Variants in SIK3 observed in about 807,000 individuals in gnomAD.
The protein encoded by SIK3 is serine/threonine-protein kinase SIK3.
Under a neutral mutation model 144.2 loss-of-function variants are expected in SIK3, and 28 were observed. The ratio of observed to expected loss-of-function variants is 0.19; its 90% CI spans 0.14 to 0.27. The LOEUF (loss-of-function observed/expected upper bound fraction) is 0.27. SIK3 is among the 10% of genes least tolerant of loss of function. SIK3 has a pLI of 1.00. For missense variants in SIK3, 1,319 were observed against 1,776.0 expected (o/e 0.74, Z 4.62); for synonymous variants, 686 against 676.3 (o/e 1.01, Z -0.22).
At chr11:117,021,962 CCTA>C in intron 1 of SIK3, among the ~76,000 whole-genome samples, 1 of 68,170 alleles carries the variant, frequency 1.5e-5, no homozygotes, top group African/African-American at 5.2e-5. Context: ...AAAAAAAAAA[CCTA>C]AAAATAACAA....
At chr11:116,873,856 C>T (rs1269263597) in intron 12 of SIK3, 47 bp downstream of exon 12, 8 of 1,573,118 alleles carry the variant, frequency 5.1e-6, no homozygotes, top group African/African-American at 1.4e-5. Context: ...TCAAAGGAAG[C>T]TCAAGTTTGT....
chr11:117,081,701 T>C (rs904465217), intron 1 of SIK3, among the ~76,000 whole-genome samples: 7 of 152,088 alleles, frequency 4.6e-5, no homozygotes, highest in African/African-American at 1.4e-4. Context: ...TATATGAACA[T>C]GGGAGAAAGT....
intron 1 of SIK3, among the ~76,000 whole-genome samples, chr11:116,976,667 G>A (rs1326962469): frequency 1.3e-5 from 2 of 152,314 alleles, no homozygotes; most frequent in Middle Eastern, 3.4e-3. Context: ...TAAGGCTGGT[G>A]TTTAGTGAAG....
At chr11:116,952,391 T>C (rs77467134) in intron 3 of SIK3, among the ~76,000 whole-genome samples, 11,087 of 152,142 alleles carry the variant, frequency 0.073, 495 homozygotes, top group Middle Eastern at 0.11. Context: ...AGCAGAGCAA[T>C]ACCTTGTCCA....
Position 116,859,620 on chromosome 11 carries a change from C to G in SIK3, c.2426-16G>C. The G allele has an allele frequency of 6.2e-7, 1 of 1,607,168 alleles. No homozygotes were observed. Among genetic ancestry groups the G allele is most frequent in the East Asian group, 2.2e-5 (1 of 44,798 alleles). Reference sequence around the variant, plus strand: ...GATGCAGCCCCTGGAGAGAAAGGAACCTCAGAGTGACCAAGTGCCCAGGCC... The same window carrying G: ...GATGCAGCCCCTGGAGAGAAAGGAAGCTCAGAGTGACCAAGTGCCCAGGCC... On this transcript the variant is annotated splice_polypyrimidine_tract_variant and intron_variant, in intron 19 of 24. Transcript: ENST00000445177.
chr11:117,064,769 T>C (rs1159383753), intron 1 of SIK3, among the ~76,000 whole-genome samples: 1 of 152,192 alleles, frequency 6.6e-6, no homozygotes, highest in East Asian at 1.9e-4. Context: ...ACTAAAAATA[T>C]TACCTAAACT....
chr11:116,951,757 A>G (rs1948946805), intron 3 of SIK3, among the ~76,000 whole-genome samples: 1 of 152,004 alleles, frequency 6.6e-6, no homozygotes, highest in Admixed American at 6.6e-5. Flanking sequence ...CAACATAATG[A>G]GACCTAATCG....
intron 4 of SIK3, among the ~76,000 whole-genome samples, chr11:116,923,929 A>G (rs1947138384): frequency 6.6e-6 from 1 of 152,240 alleles, no homozygotes; most frequent in South Asian, 2.1e-4. Flanking sequence ...TCCAACTTCA[A>G]TTATCAATAA....
chr11:117,033,708 TAAAAAAA>T (rs11347459), intron 1 of SIK3, among the ~76,000 whole-genome samples: 4 of 91,520 alleles, frequency 4.4e-5, no homozygotes, highest in Non-Finnish European at 7.3e-5. Context: ...AGACTCCGTC[TAAAAAAA>T]AAAAAAAAAG....
At chr11:116,931,746 C>A (rs1221148216) in intron 3 of SIK3, among the ~76,000 whole-genome samples, 1 of 152,206 alleles carries the variant, frequency 6.6e-6, no homozygotes, top group East Asian at 1.9e-4. Context: ...TCTTCCTACA[C>A]CCATGGAAAC....
chr11:117,062,560 A>C (rs1233056737), intron 1 of SIK3, among the ~76,000 whole-genome samples: 1 of 152,206 alleles, frequency 6.6e-6, no homozygotes, highest in Non-Finnish European at 1.5e-5. Context: ...AACAGACAGC[A>C]ATTGTTTAAA....
At chr11:116,887,612 CAA>C (rs58936458) in intron 6 of SIK3, among the ~76,000 whole-genome samples, 9 of 96,796 alleles carry the variant, frequency 9.3e-5, no homozygotes, top group Admixed American at 2.3e-4. Context: ...ATCTGTCTCC[CAA>C]AAAAAAAAAA....
chr11:116,987,011 T>C (rs535181391), intron 1 of SIK3, among the ~76,000 whole-genome samples: 10 of 152,258 alleles, frequency 6.6e-5, no homozygotes, highest in Non-Finnish European at 7.4e-5. Context: ...AGTTTCAGTT[T>C]TGCAAGATGA....
intron 1 of SIK3, among the ~76,000 whole-genome samples, chr11:116,967,491 C>G (rs928985389): frequency 5.9e-5 from 9 of 152,168 alleles, no homozygotes; most frequent in African/African-American, 7.2e-5. Flanking sequence ...TCAATATGCC[C>G]TCAAGGACTA....
intron 1 of SIK3, among the ~76,000 whole-genome samples, chr11:116,979,762 G>A (rs547938693): frequency 1.3e-5 from 2 of 152,192 alleles, no homozygotes; most frequent in African/African-American, 4.8e-5. Flanking sequence ...CAGGAGAATC[G>A]TTTGAACCTG....
chr11:117,032,731 G>T (rs1472701631), intron 1 of SIK3, among the ~76,000 whole-genome samples: 1 of 149,964 alleles, frequency 6.7e-6, no homozygotes, highest in Non-Finnish European at 1.5e-5. Flanking sequence ...TAATGTTTAT[G>T]AGATTAAGTT....
chr11:116,868,168 C>T, intron 14 of SIK3, 79 bp from the exon 15 acceptor site: 1 of 1,524,432 alleles, frequency 6.6e-7, no homozygotes, highest in Non-Finnish European at 8.9e-7. Flanking sequence ...AGAAGTTAAT[C>T]CAAAGCACTC....
chr11:117,048,446 T>C (rs1211891789), intron 1 of SIK3, among the ~76,000 whole-genome samples: 2 of 151,838 alleles, frequency 1.3e-5, no homozygotes, highest in African/African-American at 4.8e-5. Context: ...CACCTGCGGT[T>C]GGGAGTTCGA....
chr11:116,949,320 G>C (rs1006960101), intron 3 of SIK3, among the ~76,000 whole-genome samples: 4 of 152,140 alleles, frequency 2.6e-5, no homozygotes, highest in African/African-American at 4.8e-5. Flanking sequence ...TAGTTACCTT[G>C]GGATCACAGT....
Sources: gnomAD v4.1 joint callset for allele counts (sites outside exome capture counted in the v4.1 genomes callset) on GRCh38, gnomAD v4.1.1 for gene constraint, MANE v1.5 for transcripts, NCBI Gene and HGNC (gene_info 2026-07-23, HGNC 2026-07-21) for gene names.